GOLGA3: variants seen among roughly 807,000 people sequenced by gnomAD.
The protein encoded by GOLGA3 is golgin A3, also known as golgin subfamily A member 3.
Under a neutral mutation model 169.4 loss-of-function variants are expected in GOLGA3, and 75 were observed. The observed-to-expected ratio is 0.44, with a 90% confidence interval of 0.37 to 0.54. GOLGA3 has a LOEUF of 0.54. Ranked by LOEUF, GOLGA3 falls within the 20% of genes least tolerant of loss-of-function variation. The pLI is 0.00. For missense variants in GOLGA3, 1,899 were observed against 1,930.0 expected (o/e 0.98, Z 0.30); for synonymous variants, 824 against 822.4 (o/e 1.00, Z -0.03).
chr12:132,789,377 T>A, intron 12 of GOLGA3, 87 bp from the exon 13 acceptor site: 1 of 1,178,566 alleles, frequency 8.5e-7, no homozygotes, highest in Non-Finnish European at 1.2e-6. Context: ...AACAAAAATG[T>A]TTACCACTTA....
intron 17 of GOLGA3, among the ~76,000 whole-genome samples, chr12:132,781,197 T>C (rs891273229): frequency 6.6e-6 from 1 of 151,482 alleles, no homozygotes; most frequent in Non-Finnish European, 1.5e-5. Flanking sequence ...CAGTGAGCTA[T>C]GATGGTACCA....
intron 16 of GOLGA3, 85 bp downstream of exon 16, chr12:132,784,079 T>C: frequency 6.3e-7 from 1 of 1,583,388 alleles, no homozygotes; most frequent in Non-Finnish European, 8.5e-7. Context: ...TGAAGTTTTG[T>C]TCTTCGGGTC....
intron 1 of GOLGA3, among the ~76,000 whole-genome samples, chr12:132,822,558 C>G (rs969907596): frequency 3.3e-5 from 5 of 152,262 alleles, no homozygotes; most frequent in African/African-American, 1.2e-4. Flanking sequence ...GAACATTCTG[C>G]TGGGACAGCG....
chr12:132,808,257 C>T lies in GOLGA3; in HGVS notation c.812G>A (p.Gly271Asp), dbSNP rs1422885238. The change falls in exon 5 of 24, where the codon GGT (glycine) becomes GAT (aspartate). Residue 271 changes from glycine (G) to aspartate (D), a missense_variant. By Grantham distance (94) the Gly-to-Asp change is moderately conservative (BLOSUM62 -1). Coordinates refer to ENST00000450791, the MANE Select transcript of GOLGA3 (RefSeq NM_001389683.1). ...ACTGCTTCTGTTCTGCTTCAGGGAA[C>T]CCTTGGTAGAATCGGGAGCCGGGAC... ...GNVPAPDSTKGSLKQNRSSAA... is the reference protein window; with the variant it reads ...GNVPAPDSTKDSLKQNRSSAA... 1 of 1,614,074 alleles carries T rather than the reference C, an allele frequency of 6.2e-7. No individual in the cohort carries two copies. Among genetic ancestry groups the T allele is most frequent in the Non-Finnish European group, 8.5e-7 (1 of 1,180,020 alleles).
intron 4 of GOLGA3, 25 bp from the exon 5 acceptor site, chr12:132,808,574 A>T (rs1949540527): frequency 1.3e-6 from 2 of 1,537,848 alleles, no homozygotes; most frequent in Non-Finnish European, 1.8e-6. Flanking sequence ...AAAGTACAAA[A>T]ATTACATTTA....
Position 132,782,073 on chromosome 12 carries a change from A to G in GOLGA3, c.3465+223T>C, listed in dbSNP as rs1436566053. On this transcript the variant is annotated intron_variant, in intron 17 of 23. Transcript: ENST00000450791. ...GGGGACTCAGGGCTGTGGGTCACCC[A>G]GACCCCTGAGCCTGTTCCTCCCCTC... Among the ~76,000 whole-genome samples the G allele has an allele frequency of 7.2e-5, 11 of 151,904 alleles. No homozygotes were observed. The East Asian group carries it at 1.9e-3, about 27-fold the overall frequency.
At chr12:132,801,592 C>T (rs1355600596) in intron 8 of GOLGA3, among the ~76,000 whole-genome samples, 175 bp downstream of exon 8, 2 of 152,062 alleles carry the variant, frequency 1.3e-5, no homozygotes, top group African/African-American at 2.4e-5. Flanking sequence ...GGGGGGCCCA[C>T]GGGACACGTC....
At chr12:132,791,919 ACACATC>A in intron 11 of GOLGA3, among the ~76,000 whole-genome samples, 1 of 131,528 alleles carries the variant, frequency 7.6e-6, no homozygotes, top group East Asian at 2.2e-4. Context: ...CCAGGAAAGG[ACACATC>A]TGCAGAGTTG....
At chr12:132,812,002 C>CAA (rs71076477) in intron 4 of GOLGA3, among the ~76,000 whole-genome samples, 10,583 of 39,542 alleles carry the variant, frequency 0.27, 1,846 homozygotes, top group East Asian at 0.46. Context: ...CTCCGTCTCT[C>CAA]AAAAAAAAAA....
intron 22 of GOLGA3, chr12:132,774,677 AGCTTAG>A: frequency 2.5e-6 from 1 of 397,736 alleles, no homozygotes; most frequent in Non-Finnish European, 4.5e-6. Flanking sequence ...TAAGTTTTCC[AGCTTAG>A]GCTCCCTTTT....
chr12:132,808,686 CCA>C (rs1224919614), intron 4 of GOLGA3, 137 bp from the exon 5 acceptor site: 13 of 737,804 alleles, frequency 1.8e-5, no homozygotes, highest in Non-Finnish European at 2.7e-5. Flanking sequence ...CAGCCCCTCA[CCA>C]CACAGGGTGC....
intron 4 of GOLGA3, among the ~76,000 whole-genome samples, chr12:132,809,436 G>GC (rs1372600437): frequency 6.8e-5 from 5 of 73,012 alleles, no homozygotes; most frequent in East Asian, 1.0e-3. Context: ...CCCCACCCCC[G>GC]CCCCCCCGCC....
intron 1 of GOLGA3, chr12:132,826,271 G>A: frequency 8.9e-7 from 1 of 1,121,022 alleles, no homozygotes; most frequent in Non-Finnish European, 1.2e-6. Context: ...AACTGGAAGA[G>A]CAGCATCACG....
chr12:132,813,654 T>C (rs1648393085), intron 3 of GOLGA3, among the ~76,000 whole-genome samples: 1 of 151,552 alleles, frequency 6.6e-6, no homozygotes, highest in Non-Finnish European at 1.5e-5. Flanking sequence ...ACTGGGTCTG[T>C]GATCCCATGA....
At chr12:132,775,842 G>A (rs866368247) in intron 21 of GOLGA3, among the ~76,000 whole-genome samples, 2 of 152,218 alleles carry the variant, frequency 1.3e-5, no homozygotes, top group African/African-American at 2.4e-5. Context: ...AGTCAAGACC[G>A]AACCCTGAGT....
At chr12:132,798,744 A>G (rs1399193093) in intron 8 of GOLGA3, among the ~76,000 whole-genome samples, 5 of 152,192 alleles carry the variant, frequency 3.3e-5, no homozygotes, top group Admixed American at 3.3e-4. Context: ...AGCAGGACCT[A>G]CCCAAAAGTC....
intron 1 of GOLGA3, chr12:132,825,687 C>A: frequency 1.8e-6 from 2 of 1,099,280 alleles, no homozygotes; most frequent in South Asian, 1.3e-5. Context: ...CACCTTTTTT[C>A]AGTGGCCGGG....
In GOLGA3 at chr12:132,774,310, G is replaced by C. The variant is rs374171027; in HGVS notation, c.4154C>G (p.Pro1385Arg). 1 of 1,611,762 alleles carries C rather than the reference G, an allele frequency of 6.2e-7. No homozygotes were observed. The highest frequency in any genetic ancestry group is 8.5e-7 in the Non-Finnish European group (1 of 1,180,014). ...GTTGGAAGAGCTGGCCTCGCCTTTC[G>C]GCTCCTTTCTCTGTTTTTAAAAGCA... ...RRGAAKTRKE[P>R]KGEASSSNPA... The change falls in exon 23 of 24, where the codon CCG becomes CGG. Residue 1385 changes from proline to arginine, a missense_variant. By Grantham distance (103) the Pro-to-Arg change is moderately radical. Transcript: ENST00000450791.
rs968802438 is a variant in GOLGA3 at position 132,772,251 on chromosome 12, A to G, written c.*854T>C. Reference sequence around the variant, plus strand: ...TAACATGAGCATATGCTTCTTAAAGACTGGGTGACAGGCCGGGCGCAGGGG... The same window carrying G: ...TAACATGAGCATATGCTTCTTAAAGGCTGGGTGACAGGCCGGGCGCAGGGG... On this transcript the variant is annotated 3_prime_UTR_variant, in exon 24 of 24. Coordinates refer to ENST00000450791, the MANE Select transcript of GOLGA3 (RefSeq NM_001389683.1). 1 of 152,204 alleles carries G rather than the reference A, an allele frequency of 6.6e-6. No individual in the cohort carries two copies. The highest frequency in any genetic ancestry group is 1.5e-5 in the Non-Finnish European group (1 of 68,034). 9.4% of individuals were successfully genotyped at this position (152,204 alleles called of 1,614,324 possible).
Sources: allele counts gnomAD v4.1 joint callset (sites outside exome capture counted in the v4.1 genomes callset), GRCh38; gene constraint gnomAD v4.1.1; transcripts MANE v1.5; gene names NCBI Gene and HGNC (gene_info 2026-07-23, HGNC 2026-07-21).